Variants in ME2 observed in about 807,000 individuals in gnomAD.
ME2 encodes the protein NAD-dependent malic enzyme, mitochondrial.
ME2 carries 60 observed loss-of-function variants against 73.7 expected under a neutral mutation model. That is an observed-to-expected ratio of 0.81 (90% CI 0.66 to 1.01). ME2 has a LOEUF of 1.01. Among genes scored for constraint, ME2 ranks in the 50% least tolerant of loss-of-function variants. The probability of loss-of-function intolerance (pLI) is 0.00; values close to 1 mark genes in which losing one functional copy is unlikely to be tolerated. For synonymous variants in ME2, 199 were observed against 236.9 expected, an observed-to-expected ratio of 0.84 and a Z score of 1.47; for missense variants, 594 against 705.5, an observed-to-expected ratio of 0.84 and a Z score of 1.79.
intron 1 of ME2, among the ~76,000 whole-genome samples, chr18:50,890,503 G>A (rs1757104004): frequency 6.6e-6 from 1 of 152,038 alleles, no homozygotes; most frequent in African/African-American, 2.4e-5. Flanking sequence ...TAAGATTTCC[G>A]TAAATTTTTT....
chr18:50,948,229 A>AT lies in ME2; in HGVS notation c.*1048dup, dbSNP rs1599132714. The stretch of plus-strand genomic sequence containing the variant: ...TAATTTTTTTAAACCACCAACATTA[A>AT]TTTAGAGCTAAATGGGGATGAATAA... On this transcript the variant is annotated 3_prime_UTR_variant, in exon 16 of 16. Coordinates refer to ENST00000321341, the MANE Select transcript of ME2 (RefSeq NM_002396.5). 1 of 152,204 alleles carries AT rather than the reference A, an allele frequency of 6.6e-6. No individual in the cohort carries two copies. The highest frequency in any genetic ancestry group is 2.4e-5 in the African/African-American group (1 of 41,462). The allele number at this position is 152,204 out of a possible 1,614,324, so 9.4% of individuals were successfully genotyped here.
In ME2 at chr18:50,924,151, A is replaced by G. The variant is rs1214604310; in HGVS notation, c.1110A>G (p.Pro370=). ...SYQEPFTHSA[P]ESIPDTFEDA... ...AGGAACCATTTACTCACTCAGCCCCAGAGAGCATACCTGATACTTTTGAAG... is the reference window on the plus strand; with the variant it reads ...AGGAACCATTTACTCACTCAGCCCCGGAGAGCATACCTGATACTTTTGAAG... The change falls in exon 11 of 16, where the codon CCA becomes CCG. Residue 370 remains proline, a synonymous_variant. Transcript: ENST00000321341. The G allele has an allele frequency of 1.2e-6, 2 of 1,613,622 alleles. No individual in the cohort carries two copies. Among genetic ancestry groups the G allele is most frequent in the South Asian group, 1.1e-5 (1 of 91,016 alleles).
At chr18:50,886,977 T>C (rs1916488466) in intron 1 of ME2, among the ~76,000 whole-genome samples, 1 of 152,046 alleles carries the variant, frequency 6.6e-6, no homozygotes, top group African/African-American at 2.4e-5. Flanking sequence ...CTCCAGCCTG[T>C]GTGACGGCAA....
chr18:50,939,883 T>A (rs1286519126), intron 14 of ME2: 1 of 469,434 alleles, frequency 2.1e-6, no homozygotes, highest in South Asian at 2.8e-5. Flanking sequence ...AATTTGTATA[T>A]CTGAATATAT....
intron 2 of ME2, among the ~76,000 whole-genome samples, chr18:50,903,029 G>T (rs1599096890): frequency 6.6e-6 from 1 of 152,240 alleles, no homozygotes; most frequent in South Asian, 2.1e-4. Context: ...AATAGTTCAG[G>T]GTCTTTCAGG....
chr18:50,899,236 C>T (rs992448998), intron 2 of ME2, among the ~76,000 whole-genome samples: 1 of 152,150 alleles, frequency 6.6e-6, no homozygotes, highest in East Asian at 1.9e-4. Flanking sequence ...TTCCCTACCC[C>T]CTGAAATAGA....
chr18:50,943,572 G>A (rs1231294312), intron 15 of ME2, among the ~76,000 whole-genome samples: 1 of 152,000 alleles, frequency 6.6e-6, no homozygotes, highest in African/African-American at 2.4e-5. Flanking sequence ...CCAAAGTGCT[G>A]GGATTATAGA....
In ME2 at chr18:50,920,484, G is replaced by T; in HGVS notation, c.763G>T (p.Glu255Ter). 1 of 1,598,802 alleles carries T rather than the reference G, an allele frequency of 6.3e-7. No homozygotes were observed. Among genetic ancestry groups the T allele is most frequent in the Non-Finnish European group, 8.5e-7 (1 of 1,176,584 alleles). Reference protein sequence around the residue: ...RYGRNTLIQFEDFGNHNAFRF... With the variant: ...RYGRNTLIQF ...TGGCCGGAACACACTCATTCAGTTC[G>T]AAGACTTTGGAAATCATAATGCATT... The change falls in exon 8 of 16, where the codon GAA (glutamate) becomes TAA (stop). Residue 255 changes from glutamate (E) to a stop codon, truncating the protein, a stop_gained. Transcript: ENST00000321341. LOFTEE classifies it high-confidence loss of function.
At chr18:50,911,120 A>G (rs530118775) in intron 3 of ME2, among the ~76,000 whole-genome samples, 219 of 152,320 alleles carry the variant, frequency 1.4e-3, no homozygotes, top group Admixed American at 5.1e-3. Flanking sequence ...AAGTGGTAAC[A>G]TTGAGGAGAT....
chr18:50,879,449 G>T (rs1214329071), intron 1 of ME2, 141 bp downstream of exon 1: 1 of 152,304 alleles, frequency 6.6e-6, no homozygotes, highest in African/African-American at 2.4e-5. Flanking sequence ...CGGCCTGGCG[G>T]TGGGGGCTGG....
At chr18:50,934,822 A>C (rs949144648) in intron 13 of ME2, 1 of 152,194 alleles carries the variant, frequency 6.6e-6, no homozygotes, top group Admixed American at 6.5e-5. Context: ...TAAAAGGGTC[A>C]AAGGGATAAG....
intron 13 of ME2, chr18:50,934,743 AAAC>A (rs1917776837): frequency 6.6e-6 from 1 of 152,234 alleles, no homozygotes; most frequent in Non-Finnish European, 1.5e-5. Flanking sequence ...CTTAAAAAAA[AAAC>A]TGTTAATATT....
At chr18:50,894,732 C>G (rs747918835) in intron 1 of ME2, among the ~76,000 whole-genome samples, 2 of 151,782 alleles carry the variant, frequency 1.3e-5, no homozygotes, top group Non-Finnish European at 2.9e-5. Flanking sequence ...AAAAAATTAG[C>G]TGGGCGTGGT....
At chr18:50,881,780 A>G (rs992285840) in intron 1 of ME2, among the ~76,000 whole-genome samples, 1 of 152,232 alleles carries the variant, frequency 6.6e-6, no homozygotes, top group Non-Finnish European at 1.5e-5. Context: ...TTAGTCTACA[A>G]CTACTAATAG....
chr18:50,885,894 A>G (rs984389192), intron 1 of ME2, among the ~76,000 whole-genome samples: 2 of 152,168 alleles, frequency 1.3e-5, no homozygotes, highest in African/African-American at 4.8e-5. Flanking sequence ...TGAGTAACTT[A>G]AAATTTAAAA....
intron 10 of ME2, among the ~76,000 whole-genome samples, 153 bp from the exon 11 acceptor site, chr18:50,923,945 T>C (rs1208905373): frequency 6.6e-6 from 1 of 152,054 alleles, no homozygotes; most frequent in South Asian, 2.1e-4. Context: ...ATGATGAAGA[T>C]AGAGTTGGAA....
Position 50,895,798 on chromosome 18 carries a change from G to A in ME2, c.-12-11G>A. 1 of 1,561,326 alleles carries A rather than the reference G, an allele frequency of 6.4e-7. No individual in the cohort carries two copies. The highest frequency in any genetic ancestry group is 8.8e-7 in the Non-Finnish European group (1 of 1,134,812). Reference sequence around the variant, plus strand: ...TTCTCTTCAGTGGTTTATTTGCTTTGTTTTTCTCAGGTGAAAGAAAAGATG... The same window carrying A: ...TTCTCTTCAGTGGTTTATTTGCTTTATTTTTCTCAGGTGAAAGAAAAGATG... On this transcript the variant is annotated splice_polypyrimidine_tract_variant and intron_variant, in intron 1 of 15. Coordinates refer to ENST00000321341, the MANE Select transcript of ME2 (RefSeq NM_002396.5).
At position 50,951,241 on chromosome 18, in the gene ME2, G is replaced by C. The variant is rs1177684127; in HGVS notation, c.*4057G>C. 1 of 152,062 alleles carries C rather than the reference G, an allele frequency of 6.6e-6. No individual in the cohort carries two copies. Among genetic ancestry groups the C allele is most frequent in the Non-Finnish European group, 1.5e-5 (1 of 68,022 alleles). 9.4% of individuals were successfully genotyped at this position (152,062 alleles called of 1,614,324 possible). A position where few individuals can be genotyped will look rare whatever the true frequency, so the allele number is the denominator to read the frequency against. ...AACTTGTCAGCCTCTGGAGAAATAG[G>C]ATTTTACATTTTTGCAAATGAGTTG... On this transcript the variant is annotated 3_prime_UTR_variant, in exon 16 of 16. Transcript: ENST00000321341.
chr18:50,900,814 C>CA (rs1274727902), intron 2 of ME2, among the ~76,000 whole-genome samples: 1 of 152,122 alleles, frequency 6.6e-6, no homozygotes, highest in Non-Finnish European at 1.5e-5. Context: ...GCTCAGCACT[C>CA]ATTCTCTCTC....
Sources: gnomAD v4.1 joint callset for allele counts (sites outside exome capture counted in the v4.1 genomes callset) on GRCh38, gnomAD v4.1.1 for gene constraint, MANE v1.5 for transcripts, NCBI Gene and HGNC (gene_info 2026-07-23, HGNC 2026-07-21) for gene names.